The following NDUFS4 variants were observed in gnomAD, a reference collection of about 807,000 sequenced individuals.
The protein encoded by NDUFS4 is NADH:ubiquinone oxidoreductase subunit S4, also known as NADH dehydrogenase [ubiquinone] iron-sulfur protein 4, mitochondrial.
In NDUFS4, 28 loss-of-function variants were observed where a neutral mutation model predicts 24.3. The observed-to-expected ratio is 1.15, with a 90% confidence interval of 0.85 to 1.58. The LOEUF (loss-of-function observed/expected upper bound fraction) is 1.58, where lower values mean the gene tolerates loss of function less well. Among genes scored for constraint, NDUFS4 ranks in the 40% most tolerant of loss-of-function variants. The pLI is 0.00. For missense variants in NDUFS4, 223 were observed against 207.9 expected, an observed-to-expected ratio of 1.07 and a Z score of -0.45; for synonymous variants, 93 against 69.7, an observed-to-expected ratio of 1.34 and a Z score of -1.67.
At chr5:53,657,569 A>G (rs1454736860) in intron 3 of NDUFS4, among the ~76,000 whole-genome samples, 1 of 152,136 alleles carries the variant, frequency 6.6e-6, no homozygotes, top group Non-Finnish European at 1.5e-5. Flanking sequence ...ATAGAATGCT[A>G]TATTCACCTC....
intron 2 of NDUFS4, among the ~76,000 whole-genome samples, chr5:53,626,824 C>A (rs145017812): frequency 0.16 from 25,014 of 152,094 alleles, 2,292 homozygotes; most frequent in Non-Finnish European, 0.21. Flanking sequence ...TTCTCCCATT[C>A]TGTAGGTTGC....
At chr5:53,592,465 A>G (rs759182273) in intron 1 of NDUFS4, among the ~76,000 whole-genome samples, 4 of 152,162 alleles carry the variant, frequency 2.6e-5, no homozygotes, top group Non-Finnish European at 4.4e-5. Flanking sequence ...AAAACTCAGT[A>G]CCAAACCCAA....
intron 4 of NDUFS4, among the ~76,000 whole-genome samples, chr5:53,677,663 G>T (rs1740523710): frequency 6.6e-6 from 1 of 152,170 alleles, no homozygotes; most frequent in Non-Finnish European, 1.5e-5. Flanking sequence ...TATAATATGG[G>T]TACATAGCCT....
In NDUFS4 at chr5:53,580,478, T is replaced by C. The variant is rs58915856; in HGVS notation, c.98+19718T>C. On this transcript the variant is annotated intron_variant, in intron 1 of 4. Coordinates refer to ENST00000296684, the MANE Select transcript of NDUFS4 (RefSeq NM_002495.4). The stretch of plus-strand genomic sequence containing the variant: ...TGCAGTTGTTGCCTAACACTGACTT[T>C]AGGACCTGCTCTTCATGAAAGATGT... Among the ~76,000 whole-genome samples, 1,107 of 152,322 alleles carry C rather than the reference T, an allele frequency of 7.3e-3. 13 individuals are homozygous for C. The highest frequency in any genetic ancestry group is 0.025 in the African/African-American group (1,056 of 41,568).
intron 2 of NDUFS4, among the ~76,000 whole-genome samples, chr5:53,610,243 G>A (rs921803974): frequency 6.6e-6 from 1 of 152,142 alleles, no homozygotes; most frequent in African/African-American, 2.4e-5. Flanking sequence ...TTGTCTCAGT[G>A]AATAGAGAGG....
intron 2 of NDUFS4, among the ~76,000 whole-genome samples, chr5:53,632,450 C>G (rs144808895): frequency 1.1e-3 from 162 of 152,258 alleles, no homozygotes; most frequent in Non-Finnish European, 1.7e-3. Flanking sequence ...CATTACTTGT[C>G]CCACTTCACA....
intron 2 of NDUFS4, among the ~76,000 whole-genome samples, chr5:53,628,858 T>G (rs1751311964): frequency 6.6e-6 from 1 of 152,080 alleles, no homozygotes; most frequent in African/African-American, 2.4e-5. Flanking sequence ...TTTGAAGGGT[T>G]TTTTTGTGTC....
At chr5:53,636,742 C>A (rs1751564639) in intron 2 of NDUFS4, among the ~76,000 whole-genome samples, 1 of 152,102 alleles carries the variant, frequency 6.6e-6, no homozygotes, top group Non-Finnish European at 1.5e-5. Flanking sequence ...GTTGGTCCTT[C>A]TCGAATAGGT....
At chr5:53,615,270 G>A (rs1750807833) in intron 2 of NDUFS4, among the ~76,000 whole-genome samples, 1 of 152,030 alleles carries the variant, frequency 6.6e-6, no homozygotes, top group South Asian at 2.1e-4. Flanking sequence ...CCTTATATCT[G>A]CCATTTTGTA....
At chr5:53,672,677 A>G (rs1483561137) in intron 4 of NDUFS4, among the ~76,000 whole-genome samples, 2 of 152,148 alleles carry the variant, frequency 1.3e-5, no homozygotes, top group Non-Finnish European at 2.9e-5. Context: ...TGATCACAAA[A>G]TAACATTGGT....
intron 2 of NDUFS4, among the ~76,000 whole-genome samples, chr5:53,626,963 TGC>T: frequency 6.6e-6 from 1 of 152,240 alleles, no homozygotes; most frequent in Admixed American, 6.5e-5. Flanking sequence ...TGCCCATGCC[TGC>T]ATCCTGAATG....
chr5:53,626,474 TG>T (rs894223969), intron 2 of NDUFS4, among the ~76,000 whole-genome samples: 19 of 152,340 alleles, frequency 1.2e-4, no homozygotes, highest in African/African-American at 4.3e-4. Context: ...CCACAATGGT[TG>T]AACTACTTTA....
At chr5:53,619,587 A>G (rs372680339) in intron 2 of NDUFS4, among the ~76,000 whole-genome samples, 2 of 151,930 alleles carry the variant, frequency 1.3e-5, no homozygotes, top group African/African-American at 4.8e-5. Context: ...AGTAATATGT[A>G]CATGTTGTGG....
chr5:53,583,026 C>T (rs1158352672), intron 1 of NDUFS4, among the ~76,000 whole-genome samples: 2 of 151,992 alleles, frequency 1.3e-5, no homozygotes, highest in Non-Finnish European at 2.9e-5. Context: ...TACAGGCGCC[C>T]GCCACCACGC....
intron 1 of NDUFS4, among the ~76,000 whole-genome samples, chr5:53,577,040 A>G (rs1749411348): frequency 6.6e-6 from 1 of 152,056 alleles, no homozygotes; most frequent in African/African-American, 2.4e-5. Flanking sequence ...CCTTGAGTAG[A>G]GTCTGAGACA....
chr5:53,617,327 C>A (rs1044339406), intron 2 of NDUFS4, among the ~76,000 whole-genome samples: 2 of 152,090 alleles, frequency 1.3e-5, no homozygotes, highest in Non-Finnish European at 1.5e-5. Context: ...TGGCTTTTCC[C>A]CTCTGTCTTT....
intron 3 of NDUFS4, among the ~76,000 whole-genome samples, chr5:53,656,144 G>A (rs765230158): frequency 1.3e-5 from 2 of 151,684 alleles, no homozygotes; most frequent in African/African-American, 4.8e-5. Context: ...GGGAAACACC[G>A]TATAAAGTTG....
At chr5:53,566,121 C>T (rs961214081) in intron 1 of NDUFS4, among the ~76,000 whole-genome samples, 17 of 152,046 alleles carry the variant, frequency 1.1e-4, no homozygotes, top group African/African-American at 3.4e-4. Context: ...TGCAGTGAGC[C>T]GAGATCGCAC....
chr5:53,675,157 CTTTT>C lies in NDUFS4; in HGVS notation c.425-7942_425-7939del, dbSNP rs70983372. 1.9e-4 allele frequency among the ~76,000 whole-genome samples: 20 copies of C among 102,970 alleles called. No individual in the cohort carries two copies. In the South Asian group the frequency reaches 6.6e-3, roughly 34 times the overall value. 67.6% of individuals were successfully genotyped at this position (102,970 alleles called of 152,430 possible). A position where few individuals can be genotyped will look rare whatever the true frequency, so the allele number is the denominator to read the frequency against. On this transcript the variant is annotated intron_variant, in intron 4 of 4. Coordinates refer to ENST00000296684, the MANE Select transcript of NDUFS4 (RefSeq NM_002495.4). ...CTATAAGCTAATCAGAACAGAGTTC[CTTTT>C]TTTTTTTTTTTTTTTTTTGAGGCGG...
Sources: allele counts gnomAD v4.1 joint callset (sites outside exome capture counted in the v4.1 genomes callset), GRCh38; gene constraint gnomAD v4.1.1; transcripts MANE v1.5; gene names NCBI Gene and HGNC (gene_info 2026-07-23, HGNC 2026-07-21).